HERC3: variants seen among roughly 807,000 people sequenced by gnomAD.
HERC3 encodes HECT and RLD domain containing E3 ubiquitin protein ligase 3.
Under a neutral mutation model 129.9 loss-of-function variants are expected in HERC3, and 58 were observed. That is an observed-to-expected ratio of 0.45 (90% CI 0.36 to 0.56). HERC3 has a LOEUF of 0.56. Ranked by LOEUF, HERC3 falls within the 20% of genes least tolerant of loss-of-function variation. The pLI is 0.00. For missense variants in HERC3, 835 were observed against 1,244.2 expected (o/e 0.67, Z 4.95); for synonymous variants, 430 against 451.0 (o/e 0.95, Z 0.59).
chr4:88,609,284 A>C (rs1343207902), intron 3 of HERC3, among the ~76,000 whole-genome samples: 1 of 152,172 alleles, frequency 6.6e-6, no homozygotes, highest in African/African-American at 2.4e-5. Flanking sequence ...CTCTGTCTCA[A>C]AACAAAACAA....
At chr4:88,659,122 A>C (rs1730221088) in intron 10 of HERC3, among the ~76,000 whole-genome samples, 1 of 152,112 alleles carries the variant, frequency 6.6e-6, no homozygotes, top group African/African-American at 2.4e-5. Context: ...GAAAAACTCC[A>C]CAGATTTGTT....
chr4:88,619,962 G>A (rs1049067246), intron 3 of HERC3, among the ~76,000 whole-genome samples: 1 of 152,224 alleles, frequency 6.6e-6, no homozygotes, highest in Admixed American at 6.5e-5. Context: ...TGTGCTGATT[G>A]AGCAGGTGTG....
At chr4:88,545,635 A>C in the HERC3 span, among the ~76,000 whole-genome samples, 1 of 151,976 alleles carries the variant, frequency 6.6e-6, no homozygotes, top group Middle Eastern at 3.2e-3. Context: ...TATGTTGCTC[A>C]GGCTGGTCTC....
intron 6 of HERC3, 71 bp from the exon 7 acceptor site, chr4:88,653,971 G>A: frequency 3.5e-6 from 4 of 1,136,270 alleles, no homozygotes; most frequent in Admixed American, 1.7e-5. Context: ...CAAAATTCAT[G>A]CCAAGATAGT....
the HERC3 span, among the ~76,000 whole-genome samples, chr4:88,529,832 AT>A: frequency 1.3e-4 from 20 of 152,166 alleles, no homozygotes; most frequent in Non-Finnish European, 2.6e-4. Context: ...TCTGTTTAAA[AT>A]TTTTTATTTA....
chr4:88,610,338 A>T (rs1258002461), intron 3 of HERC3, among the ~76,000 whole-genome samples: 6 of 151,488 alleles, frequency 4.0e-5, no homozygotes, highest in Non-Finnish European at 7.4e-5. Flanking sequence ...CTGTAATCCC[A>T]GTTACTCAGG....
the HERC3 span, among the ~76,000 whole-genome samples, chr4:88,568,386 G>A: frequency 6.6e-6 from 1 of 152,168 alleles, no homozygotes; most frequent in Non-Finnish European, 1.5e-5. Flanking sequence ...CCTCTGGCTT[G>A]GGATGGGTCC....
the HERC3 span, among the ~76,000 whole-genome samples, chr4:88,576,344 C>T: frequency 3.3e-5 from 5 of 152,182 alleles, no homozygotes; most frequent in Admixed American, 6.6e-5. Context: ...CCAATAAAAT[C>T]AAGGTCCCCA....
chr4:88,592,151 C>A (rs143152492), upstream of HERC3, among the ~76,000 whole-genome samples: 1,024 of 152,384 alleles, frequency 6.7e-3, 12 homozygotes, highest in African/African-American at 0.023. Flanking sequence ...TAGGCAACCG[C>A]TGATCGGTCC....
chr4:88,560,339 A>T, the HERC3 span, among the ~76,000 whole-genome samples: 2 of 152,172 alleles, frequency 1.3e-5, no homozygotes, highest in Non-Finnish European at 2.9e-5. Flanking sequence ...TCTGATGATT[A>T]ATGATGTTGA....
chr4:88,609,674 C>T (rs17799176), intron 3 of HERC3, among the ~76,000 whole-genome samples: 1 of 152,174 alleles, frequency 6.6e-6, no homozygotes, highest in Non-Finnish European at 1.5e-5. Context: ...AAAGAAGACA[C>T]CACAAAACTG....
Position 88,605,807 on chromosome 4 carries a change from C to G in HERC3, c.-17C>G. ...AACTCTCTCCTAGGCTACATGATTC[C>G]CTGAAAGATAAGAACAATGTTATGT... is the stretch of plus-strand genomic sequence containing the variant. On this transcript the variant is annotated 5_prime_UTR_variant, in exon 3 of 26. Transcript: ENST00000402738. 6.3e-7 allele frequency: 1 copy of G among 1,598,088 alleles called. No homozygotes were observed. Among genetic ancestry groups the G allele is most frequent in the Non-Finnish European group, 8.6e-7 (1 of 1,165,674 alleles).
intron 16 of HERC3, among the ~76,000 whole-genome samples, chr4:88,674,752 G>A (rs1731980855): frequency 1.3e-5 from 2 of 152,146 alleles, no homozygotes; most frequent in African/African-American, 4.8e-5. Context: ...GCATGAGAGT[G>A]AGTAAGATTG....
intron 23 of HERC3, among the ~76,000 whole-genome samples, chr4:88,691,653 A>G (rs1248495557): frequency 1.3e-5 from 2 of 152,212 alleles, no homozygotes; most frequent in Non-Finnish European, 2.9e-5. Context: ...GACATGAATG[A>G]ATTTTTTTTT....
At chr4:88,693,998 T>C (rs776547722) in intron 23 of HERC3, among the ~76,000 whole-genome samples, 1 of 152,204 alleles carries the variant, frequency 6.6e-6, no homozygotes, top group Non-Finnish European at 1.5e-5. Context: ...ATATAAAGAT[T>C]AGCCCAGTTA....
At chr4:88,583,439 C>CA in the HERC3 span, among the ~76,000 whole-genome samples, 633 of 121,994 alleles carry the variant, frequency 5.2e-3, 6 homozygotes, top group African/African-American at 0.015. Flanking sequence ...GACTCCTTCT[C>CA]AAAAAAAAAA....
chr4:88,599,595 CG>C (rs1722765120), intron 2 of HERC3, among the ~76,000 whole-genome samples: 2 of 152,102 alleles, frequency 1.3e-5, no homozygotes. Context: ...AGGACTGACT[CG>C]TGCCAGATAA....
At chr4:88,691,910 CTGTT>C (rs2149332341) in intron 23 of HERC3, among the ~76,000 whole-genome samples, 1 of 152,342 alleles carries the variant, frequency 6.6e-6, no homozygotes, top group South Asian at 2.1e-4. Context: ...GGCATTGAGG[CTGTT>C]TTTGTTAACA....
At chr4:88,691,287 G>A (rs1354263802) in intron 23 of HERC3, among the ~76,000 whole-genome samples, 2 of 152,206 alleles carry the variant, frequency 1.3e-5, no homozygotes, top group Admixed American at 1.3e-4. Context: ...TTTAGGCACT[G>A]ATGTATATGT....
Sources: gnomAD v4.1 joint callset for allele counts (sites outside exome capture counted in the v4.1 genomes callset) on GRCh38, gnomAD v4.1.1 for gene constraint, MANE v1.5 for transcripts, NCBI Gene and HGNC (gene_info 2026-07-23, HGNC 2026-07-21) for gene names.